PCDH7: variants seen among roughly 807,000 people sequenced by gnomAD.
PCDH7 encodes protocadherin 7.
In PCDH7, 17 loss-of-function variants were observed where a neutral mutation model predicts 58.9. The observed-to-expected ratio is 0.29, with a 90% CI of 0.20 to 0.43. The LOEUF (loss-of-function observed/expected upper bound fraction) is 0.43, where lower values mean the gene tolerates loss of function less well. Ranked by LOEUF, PCDH7 falls within the 20% of genes least tolerant of loss-of-function variation. The pLI is 1.00. For synonymous variants in PCDH7, 664 were observed against 616.4 expected (o/e 1.08, Z -1.14); for missense variants, 1,274 against 1,441.0 (o/e 0.88, Z 1.88).
At chr4:30,960,652 A>G (rs1262073387) in intron 3 of PCDH7, among the ~76,000 whole-genome samples, 1 of 152,142 alleles carries the variant, frequency 6.6e-6, no homozygotes, top group Non-Finnish European at 1.5e-5. Flanking sequence ...ATATTAGTTA[A>G]CCAAAATATT....
intron 3 of PCDH7, among the ~76,000 whole-genome samples, chr4:30,985,001 C>G (rs1231252783): frequency 6.6e-6 from 1 of 152,092 alleles, no homozygotes; most frequent in Non-Finnish European, 1.5e-5. Context: ...GAGTCTTGCT[C>G]CGTCGCCCAG....
At chr4:30,910,569 A>G (rs1284866684) in intron 1 of PCDH7, among the ~76,000 whole-genome samples, 1 of 152,202 alleles carries the variant, frequency 6.6e-6, no homozygotes, top group Non-Finnish European at 1.5e-5. Flanking sequence ...GCCCATCATC[A>G]CCAGTCATCA....
At chr4:30,901,285 C>G (rs1740185639) in intron 1 of PCDH7, among the ~76,000 whole-genome samples, 1 of 151,974 alleles carries the variant, frequency 6.6e-6, no homozygotes, top group South Asian at 2.1e-4. Context: ...AAATAGTAAA[C>G]AGAAAAACCA....
chr4:31,007,600 T>TA (rs562536788), intron 3 of PCDH7, among the ~76,000 whole-genome samples: 41 of 151,026 alleles, frequency 2.7e-4, no homozygotes, highest in Admixed American at 2.0e-4. Context: ...TTTTTTTTTT[T>TA]AAATATGTGG....
At chr4:30,828,626 T>G (rs1560412439) in intron 1 of PCDH7, among the ~76,000 whole-genome samples, 1 of 151,696 alleles carries the variant, frequency 6.6e-6, no homozygotes, top group Non-Finnish European at 1.5e-5. Context: ...AATTGCCTCT[T>G]GTGTGCAAAA....
rs563569317 is a variant in PCDH7 at position 31,032,553 on chromosome 4, A to G, written c.*7+82338A>G. Among the ~76,000 whole-genome samples the G allele has an allele frequency of 2.0e-5, 3 of 150,250 alleles. No individual in the cohort carries two copies. In the South Asian group the frequency reaches 6.5e-4, roughly 32 times the overall value. On this transcript the variant is annotated intron_variant, in intron 3 of 3. Coordinates refer to the PCDH7 transcript ENST00000509759. Reference sequence around the variant, plus strand: ...AATCCAGGAGGTGGAGGTTTCAGTGAGCCGAGAATGTGCCACTGCACTCCA... The same window carrying G: ...AATCCAGGAGGTGGAGGTTTCAGTGGGCCGAGAATGTGCCACTGCACTCCA...
intron 1 of PCDH7, among the ~76,000 whole-genome samples, chr4:30,744,441 G>A (rs928049884): frequency 6.6e-6 from 1 of 152,140 alleles, no homozygotes; most frequent in Non-Finnish European, 1.5e-5. Context: ...TGATTTACAT[G>A]TCCAATGGGT....
chr4:30,724,476 C>G (rs576549411), exon 1 of PCDH7: 1 of 1,614,116 alleles, frequency 6.2e-7, no homozygotes, highest in African/African-American at 1.3e-5. Context: ...GAAAAAAACA[C>G]CAGGCCGTAC....
chr4:31,022,196 T>C (rs1365896620), intron 3 of PCDH7, among the ~76,000 whole-genome samples: 1 of 152,154 alleles, frequency 6.6e-6, no homozygotes, highest in Non-Finnish European at 1.5e-5. Context: ...GAGTGCCCTT[T>C]GGGGATTAAT....
chr4:30,774,698 G>A lies in PCDH7; in HGVS notation c.70+50102G>A, dbSNP rs184863255. Among the ~76,000 whole-genome samples, 813 of 152,178 alleles carry A rather than the reference G, an allele frequency of 5.3e-3. 5 individuals are homozygous for A. Among genetic ancestry groups the A allele is most frequent in the Non-Finnish European group, 8.7e-3 (593 of 67,990 alleles). On this transcript the variant is annotated intron_variant, in intron 1 of 3. Transcript: ENST00000509759. The stretch of plus-strand genomic sequence containing the variant: ...TACTCTGCATCAGGGACTGTTCTAC[G>A]TACAATATACAGTTTATGACAAGAA...
chr4:30,730,820 C>A, exon 2 of PCDH7: 2 of 1,595,294 alleles, frequency 1.3e-6, no homozygotes, highest in Non-Finnish European at 1.7e-6. Flanking sequence ...CCATTATGCA[C>A]CATACTGTGA....
At chr4:31,027,687 C>T (rs1754550797) in intron 3 of PCDH7, among the ~76,000 whole-genome samples, 2 of 152,264 alleles carry the variant, frequency 1.3e-5, no homozygotes, top group South Asian at 4.2e-4. Flanking sequence ...TCCTAAAGTG[C>T]TGGGATTACA....
At chr4:31,056,665 GAGAGAAAGAGAA>G (rs977137386) in intron 3 of PCDH7, among the ~76,000 whole-genome samples, 1 of 144,926 alleles carries the variant, frequency 6.9e-6, no homozygotes, top group South Asian at 2.5e-4. Flanking sequence ...AGAGAGGAGA[GAGAGAAAGAGAA>G]AGAGAGAGGA....
intron 3 of PCDH7, among the ~76,000 whole-genome samples, chr4:31,074,607 AC>A (rs34272279): frequency 0.033 from 4,930 of 151,550 alleles, 244 homozygotes; most frequent in African/African-American, 0.11. Context: ...ACATGGTGAA[AC>A]CCTGTCTCTA....
intron 1 of PCDH7, among the ~76,000 whole-genome samples, chr4:30,914,109 T>G (rs1454845674): frequency 1.3e-5 from 2 of 152,130 alleles, no homozygotes; most frequent in Non-Finnish European, 2.9e-5. Context: ...TTAACACTTT[T>G]GCCTACTCGT....
chr4:31,065,208 T>C (rs1308390412), intron 3 of PCDH7, among the ~76,000 whole-genome samples: 2 of 151,994 alleles, frequency 1.3e-5, no homozygotes, highest in Non-Finnish European at 1.5e-5. Context: ...TTCACCTGCA[T>C]ATTGGCAATA....
At chr4:30,800,407 C>A (rs1279053084) in intron 1 of PCDH7, among the ~76,000 whole-genome samples, 1 of 151,608 alleles carries the variant, frequency 6.6e-6, no homozygotes, top group African/African-American at 2.4e-5. Context: ...TGTATTTTTT[C>A]AATTTGAAGT....
chr4:30,948,374 T>C (rs1442057308), intron 2 of PCDH7, among the ~76,000 whole-genome samples: 1 of 152,060 alleles, frequency 6.6e-6, no homozygotes, highest in Non-Finnish European at 1.5e-5. Context: ...CTTTTTGGTT[T>C]TTGGCTTATG....
chr4:30,766,441 A>G (rs1720759131), intron 1 of PCDH7, among the ~76,000 whole-genome samples: 1 of 152,166 alleles, frequency 6.6e-6, no homozygotes, highest in East Asian at 1.9e-4. Context: ...GTAAGAATTC[A>G]CTTGAAAAGT....
Sources: allele counts gnomAD v4.1 joint callset (sites outside exome capture counted in the v4.1 genomes callset), GRCh38; gene constraint gnomAD v4.1.1; transcripts MANE v1.5; gene names NCBI Gene and HGNC (gene_info 2026-07-23, HGNC 2026-07-21).